Variants in KCNQ5 observed in about 807,000 individuals in gnomAD.
KCNQ5 encodes the protein potassium voltage-gated channel subfamily KQT member 5.
In KCNQ5, 30 loss-of-function variants were observed where a neutral mutation model predicts 98.2. The ratio of observed to expected loss-of-function variants is 0.31; its 90% CI spans 0.23 to 0.41. The LOEUF is 0.41. Among genes scored for constraint, KCNQ5 ranks in the 10% least tolerant of loss-of-function variants. KCNQ5 has a pLI of 1.00. For missense variants in KCNQ5, 835 were observed against 1,182.5 expected, an observed-to-expected ratio of 0.71 and a Z score of 4.31; for synonymous variants, 458 against 449.4, an observed-to-expected ratio of 1.02 and a Z score of -0.24.
intron 1 of KCNQ5, among the ~76,000 whole-genome samples, chr6:72,637,320 C>A (rs1306350409): frequency 6.6e-6 from 1 of 151,624 alleles, no homozygotes; most frequent in African/African-American, 2.4e-5. Context: ...TAATATTGTT[C>A]ACTTAATTCT....
intron 1 of KCNQ5, among the ~76,000 whole-genome samples, chr6:72,970,607 G>A (rs1323276220): frequency 6.6e-6 from 1 of 152,128 alleles, no homozygotes; most frequent in Non-Finnish European, 1.5e-5. Context: ...ATACTACAAG[G>A]CCACAGTAAC....
chr6:72,714,435 G>C (rs1769536629), intron 1 of KCNQ5, among the ~76,000 whole-genome samples: 1 of 151,630 alleles, frequency 6.6e-6, no homozygotes, highest in African/African-American at 2.4e-5. Context: ...TGGAGTTCAA[G>C]ATGGAAATGG....
chr6:72,910,353 G>A (rs184293804), intron 1 of KCNQ5, among the ~76,000 whole-genome samples: 48 of 152,212 alleles, frequency 3.2e-4, no homozygotes, highest in African/African-American at 1.1e-3. Flanking sequence ...CATTTGTTCA[G>A]TGTTAACACA....
chr6:73,192,729 AT>A (rs745870086), intron 13 of KCNQ5, 38 bp downstream of exon 13: 14 of 1,501,646 alleles, frequency 9.3e-6, no homozygotes, highest in East Asian at 4.7e-5. Flanking sequence ...TTTAGCCAGA[AT>A]TTTTTTAATC....
chr6:72,632,667 G>A (rs1180136564), intron 1 of KCNQ5, among the ~76,000 whole-genome samples: 1 of 152,136 alleles, frequency 6.6e-6, no homozygotes, highest in Non-Finnish European at 1.5e-5. Context: ...ACTTCTAAGT[G>A]AGAATATGTG....
chr6:73,162,304 G>A (rs1777646947), intron 10 of KCNQ5, among the ~76,000 whole-genome samples: 2 of 152,156 alleles, frequency 1.3e-5, no homozygotes, highest in South Asian at 4.1e-4. Context: ...TAGGAAACAG[G>A]AAAGGCTTGG....
intron 1 of KCNQ5, among the ~76,000 whole-genome samples, chr6:72,920,976 A>G (rs1276267663): frequency 6.6e-6 from 1 of 152,190 alleles, no homozygotes; most frequent in East Asian, 1.9e-4. Flanking sequence ...CATTTATTGG[A>G]CCACCTGAAA....
At chr6:72,959,518 C>T (rs1767237395) in intron 1 of KCNQ5, among the ~76,000 whole-genome samples, 1 of 152,048 alleles carries the variant, frequency 6.6e-6, no homozygotes, top group Non-Finnish European at 1.5e-5. Flanking sequence ...ATAATGCTAC[C>T]AGTTGTGGAT....
intron 1 of KCNQ5, among the ~76,000 whole-genome samples, chr6:72,639,906 A>C (rs1282236660): frequency 2.0e-5 from 3 of 152,158 alleles, no homozygotes; most frequent in Non-Finnish European, 4.4e-5. Flanking sequence ...AAAGTAATTG[A>C]GAATAACAAG....
At chr6:72,705,591 T>G (rs1769030587) in intron 1 of KCNQ5, among the ~76,000 whole-genome samples, 3 of 93,496 alleles carry the variant, frequency 3.2e-5, no homozygotes, top group South Asian at 3.4e-4. Context: ...GTTGTTTTTG[T>G]TTTTTTTTTT....
intron 1 of KCNQ5, among the ~76,000 whole-genome samples, chr6:72,625,309 T>A (rs10943042): frequency 6.6e-6 from 1 of 152,068 alleles, no homozygotes; most frequent in Non-Finnish European, 1.5e-5. Flanking sequence ...GATGACCTAC[T>A]TCAAATATTT....
chr6:72,770,443 AAC>A (rs1225231848), intron 1 of KCNQ5, among the ~76,000 whole-genome samples: 3 of 152,284 alleles, frequency 2.0e-5, no homozygotes, highest in African/African-American at 7.2e-5. Flanking sequence ...AATATAATGA[AAC>A]AAAATATTAT....
chr6:73,022,923 A>G (rs1400822577), intron 2 of KCNQ5, among the ~76,000 whole-genome samples: 1 of 152,226 alleles, frequency 6.6e-6, no homozygotes, highest in African/African-American at 2.4e-5. Flanking sequence ...TCTTCTGAGT[A>G]CAGTCATTTG....
At chr6:72,850,984 A>T (rs1777229951) in intron 1 of KCNQ5, among the ~76,000 whole-genome samples, 2 of 152,328 alleles carry the variant, frequency 1.3e-5, no homozygotes, top group South Asian at 2.1e-4. Context: ...GTTCAGGAAG[A>T]TTCTTGCAAG....
chr6:72,795,921 T>C (rs1774310233), intron 1 of KCNQ5, among the ~76,000 whole-genome samples: 2 of 152,118 alleles, frequency 1.3e-5, no homozygotes, highest in Non-Finnish European at 2.9e-5. Context: ...TTTCTCCTAA[T>C]TATTACAGAC....
intron 1 of KCNQ5, among the ~76,000 whole-genome samples, chr6:72,720,223 C>T (rs564889672): frequency 1.5e-3 from 231 of 152,270 alleles, no homozygotes; most frequent in Non-Finnish European, 2.7e-3. Flanking sequence ...AGTGCACAGT[C>T]CACTTAACCT....
At chr6:73,099,519 A>G (rs1422758563) in intron 5 of KCNQ5, among the ~76,000 whole-genome samples, 1 of 152,210 alleles carries the variant, frequency 6.6e-6, no homozygotes, top group Non-Finnish European at 1.5e-5. Context: ...GAAAAAGAGC[A>G]GGAGTAGCTA....
chr6:73,100,562 G>C (rs188319352), intron 5 of KCNQ5, among the ~76,000 whole-genome samples: 7 of 151,744 alleles, frequency 4.6e-5, no homozygotes, highest in Non-Finnish European at 8.8e-5. Context: ...CCAGCTACTC[G>C]GGAAGCTGAG....
chr6:73,005,866 T>G (rs1187630715), intron 2 of KCNQ5, among the ~76,000 whole-genome samples: 2 of 152,182 alleles, frequency 1.3e-5, no homozygotes, highest in Non-Finnish European at 2.9e-5. Flanking sequence ...CCTACTATCT[T>G]TGTACTATAG....
Sources: gnomAD v4.1 joint callset for allele counts (sites outside exome capture counted in the v4.1 genomes callset) on GRCh38, gnomAD v4.1.1 for gene constraint, MANE v1.5 for transcripts, NCBI Gene and HGNC (gene_info 2026-07-23, HGNC 2026-07-21) for gene names.